NAV2: variants seen among roughly 807,000 people sequenced by gnomAD.
NAV2 encodes the protein neuron navigator 2, also known as helicase, APC down-regulated 1.
In NAV2, 54 loss-of-function variants were observed where a neutral mutation model predicts 223.2. That is an observed-to-expected ratio of 0.24 (90% CI 0.19 to 0.30). NAV2 has a LOEUF of 0.30. NAV2 is among the 10% of genes least tolerant of loss of function. The pLI is 1.00. For missense variants in NAV2, 2,806 were observed against 3,147.5 expected (o/e 0.89, Z 2.60); for synonymous variants, 1,279 against 1,239.3 (o/e 1.03, Z -0.67).
intron 1 of NAV2, among the ~76,000 whole-genome samples, chr11:19,636,594 C>T (rs953696340): frequency 1.3e-5 from 2 of 151,848 alleles, no homozygotes; most frequent in Non-Finnish European, 2.9e-5. Context: ...GGGTTCACGC[C>T]ATTCTCCTGC....
chr11:19,728,352 C>T (rs1261467747), intron 1 of NAV2, among the ~76,000 whole-genome samples: 1 of 152,168 alleles, frequency 6.6e-6, no homozygotes, highest in African/African-American at 2.4e-5. Context: ...AATCCACCAG[C>T]CCTGATGTCT....
chr11:19,439,432 G>A (rs902209995), intron 1 of NAV2, among the ~76,000 whole-genome samples: 6 of 152,042 alleles, frequency 3.9e-5, no homozygotes, highest in East Asian at 1.9e-4. Flanking sequence ...ATCCAGATGG[G>A]CACCACATAA....
intron 11 of NAV2, among the ~76,000 whole-genome samples, chr11:19,988,555 G>C (rs369506429): frequency 1.5e-5 from 2 of 130,476 alleles, no homozygotes; most frequent in African/African-American, 5.5e-5. Flanking sequence ...TTTTCTTCTT[G>C]TTATAAGTTT....
At chr11:20,022,986 C>A in intron 11 of NAV2, 1 of 1,434,838 alleles carries the variant, frequency 7.0e-7, no homozygotes, top group Non-Finnish European at 9.5e-7. Context: ...TACAGAGTTG[C>A]TGGGTGCCTG....
At chr11:19,558,989 G>A (rs1157518727) in intron 1 of NAV2, among the ~76,000 whole-genome samples, 1 of 152,176 alleles carries the variant, frequency 6.6e-6, no homozygotes, top group African/African-American at 2.4e-5. Context: ...CCTGGGAGCT[G>A]GCACAGCAGT....
At chr11:19,765,264 G>C (rs1459949311) in intron 1 of NAV2, among the ~76,000 whole-genome samples, 4 of 152,172 alleles carry the variant, frequency 2.6e-5, no homozygotes, top group Non-Finnish European at 5.9e-5. Context: ...TAAAAAGCCA[G>C]ATAGTAAATA....
At position 20,078,140 on chromosome 11, in the gene NAV2, T is replaced by G. The variant is rs1205811568; in HGVS notation, c.5179+36T>G. 7 of 1,498,990 alleles carry G rather than the reference T, an allele frequency of 4.7e-6. No homozygotes were observed. In the South Asian group the frequency reaches 6.9e-5, roughly 15 times the overall value. 92.9% of individuals were successfully genotyped at this position (1,498,990 alleles called of 1,614,324 possible). A position where few individuals can be genotyped will look rare whatever the true frequency, so the allele number is the denominator to read the frequency against. On this transcript the variant is annotated intron_variant, in intron 24 of 37. Coordinates refer to ENST00000349880, the MANE Select transcript of NAV2 (RefSeq NM_145117.5). Reference sequence around the variant, plus strand: ...GGAAACAGCCTTTAGCCAGAAGACCTGCCTGCCCTTAGGAGCCCTCCCCTG... The same window carrying G: ...GGAAACAGCCTTTAGCCAGAAGACCGGCCTGCCCTTAGGAGCCCTCCCCTG...
At chr11:20,095,281 C>A (rs986249301) in intron 29 of NAV2, among the ~76,000 whole-genome samples, 1 of 151,940 alleles carries the variant, frequency 6.6e-6, no homozygotes, top group African/African-American at 2.4e-5. Flanking sequence ...AAGCTCTGAG[C>A]CTGATGGGGT....
At chr11:19,578,210 G>A (rs1038869207) in intron 1 of NAV2, among the ~76,000 whole-genome samples, 2 of 152,194 alleles carry the variant, frequency 1.3e-5, no homozygotes, top group South Asian at 2.1e-4. Context: ...CTCTGCCTGC[G>A]AGCTGGGCTT....
intron 1 of NAV2, among the ~76,000 whole-genome samples, chr11:19,622,191 TG>T (rs1199255246): frequency 6.6e-6 from 1 of 152,226 alleles, no homozygotes; most frequent in African/African-American, 2.4e-5. Context: ...TGGTCAATTT[TG>T]GGATAAGTGT....
At chr11:19,793,920 G>A (rs979449893) in intron 1 of NAV2, among the ~76,000 whole-genome samples, 1 of 152,142 alleles carries the variant, frequency 6.6e-6, no homozygotes, top group South Asian at 2.1e-4. Flanking sequence ...TTTTATCCTC[G>A]GAGAGGCCGC....
At chr11:19,681,755 C>T (rs560980187) in intron 1 of NAV2, among the ~76,000 whole-genome samples, 7 of 152,274 alleles carry the variant, frequency 4.6e-5, no homozygotes, top group Non-Finnish European at 7.4e-5. Flanking sequence ...CTCACCAATG[C>T]ATAGTAAGCA....
chr11:19,750,208 C>T (rs1259251424), intron 1 of NAV2, among the ~76,000 whole-genome samples: 1 of 152,168 alleles, frequency 6.6e-6, no homozygotes, highest in Admixed American at 6.5e-5. Flanking sequence ...CTCATCTCAC[C>T]CCCAGTTTTA....
At chr11:19,642,819 G>C (rs1312301615) in intron 1 of NAV2, among the ~76,000 whole-genome samples, 3 of 152,110 alleles carry the variant, frequency 2.0e-5, no homozygotes, top group Admixed American at 6.6e-5. Flanking sequence ...GGCACCCATG[G>C]CTCCTGGGAA....
chr11:20,077,281 T>C (rs2059819175), intron 22 of NAV2, among the ~76,000 whole-genome samples: 1 of 151,830 alleles, frequency 6.6e-6, no homozygotes, highest in Non-Finnish European at 1.5e-5. Flanking sequence ...AGGCAAGGAA[T>C]GGGAGAAAGG....
At chr11:19,612,671 C>T (rs906079706) in intron 1 of NAV2, among the ~76,000 whole-genome samples, 4 of 152,140 alleles carry the variant, frequency 2.6e-5, no homozygotes, top group Non-Finnish European at 5.9e-5. Flanking sequence ...CATCTTAGAC[C>T]ACCTCAGCCT....
chr11:19,624,340 T>A (rs1288331165), intron 1 of NAV2, among the ~76,000 whole-genome samples: 1 of 152,174 alleles, frequency 6.6e-6, no homozygotes, highest in Admixed American at 6.5e-5. Flanking sequence ...GCTGCCTTTT[T>A]TTCAGCTATG....
intron 1 of NAV2, among the ~76,000 whole-genome samples, chr11:19,509,724 C>A (rs995391099): frequency 6.6e-6 from 1 of 152,114 alleles, no homozygotes; most frequent in African/African-American, 2.4e-5. Context: ...ATGTTTCCCC[C>A]CTAAAGCCTT....
intron 1 of NAV2, among the ~76,000 whole-genome samples, chr11:19,584,674 T>C (rs1466969229): frequency 1.3e-5 from 2 of 152,254 alleles, no homozygotes; most frequent in Non-Finnish European, 2.9e-5. Context: ...TCAGTTTCCA[T>C]GTAGTTGAGC....
Sources: allele counts gnomAD v4.1 joint callset (sites outside exome capture counted in the v4.1 genomes callset), GRCh38; gene constraint gnomAD v4.1.1; transcripts MANE v1.5; gene names NCBI Gene and HGNC (gene_info 2026-07-23, HGNC 2026-07-21).